Variants in GRM7 observed in about 807,000 individuals in gnomAD.
The protein encoded by GRM7 is glutamate metabotropic receptor 7.
A neutral mutation model predicts 84.5 loss-of-function variants in GRM7; 35 were observed. The observed-to-expected ratio is 0.41, with a 90% CI of 0.32 to 0.55. GRM7 has a LOEUF of 0.55. Among genes scored for constraint, GRM7 ranks in the 20% least tolerant of loss-of-function variants. The probability of loss-of-function intolerance (pLI) is 0.19; values close to 1 mark genes in which losing one functional copy is unlikely to be tolerated. For missense variants in GRM7, 1,003 were observed against 1,194.6 expected, an observed-to-expected ratio of 0.84 and a Z score of 2.36; for synonymous variants, 487 against 455.1, an observed-to-expected ratio of 1.07 and a Z score of -0.89.
At chr3:6,963,831 A>G (rs1693396140) in intron 1 of GRM7, among the ~76,000 whole-genome samples, 1 of 152,200 alleles carries the variant, frequency 6.6e-6, no homozygotes, top group Non-Finnish European at 1.5e-5. Context: ...TCTCAGTATG[A>G]GTGAGAAATA....
chr3:6,997,561 C>T (rs998345171), intron 1 of GRM7, among the ~76,000 whole-genome samples: 1 of 152,126 alleles, frequency 6.6e-6, no homozygotes, highest in African/African-American at 2.4e-5. Context: ...GGTAACTGCC[C>T]CCATGATTCA....
chr3:7,209,832 T>A (rs1696361837), intron 2 of GRM7, among the ~76,000 whole-genome samples: 1 of 152,150 alleles, frequency 6.6e-6, no homozygotes, highest in African/African-American at 2.4e-5. Context: ...CCTTAAAGGG[T>A]AATTTTTAAT....
intron 2 of GRM7, among the ~76,000 whole-genome samples, chr3:7,156,815 A>C (rs1176408150): frequency 6.6e-6 from 1 of 152,050 alleles, no homozygotes; most frequent in East Asian, 1.9e-4. Context: ...TTTTTAATCA[A>C]CGTGAATTTT....
chr3:7,738,975 T>G (rs180970260), intron 9 of GRM7, among the ~76,000 whole-genome samples: 112 of 152,322 alleles, frequency 7.4e-4, no homozygotes, highest in Non-Finnish European at 7.1e-4. Flanking sequence ...AGGCCATGTG[T>G]TCATCAAATG....
chr3:7,628,446 T>G (rs1697719202), intron 8 of GRM7, among the ~76,000 whole-genome samples: 1 of 152,226 alleles, frequency 6.6e-6, no homozygotes, highest in Non-Finnish European at 1.5e-5. Flanking sequence ...CTGCCTTCTC[T>G]CAATTACATA....
chr3:7,226,636 T>C (rs1415075181), intron 2 of GRM7, among the ~76,000 whole-genome samples: 8 of 152,178 alleles, frequency 5.3e-5, no homozygotes, highest in Non-Finnish European at 8.8e-5. Flanking sequence ...ATGGTGGGAC[T>C]TACAGGGCCA....
At chr3:7,709,143 C>T (rs933256499) in intron 9 of GRM7, among the ~76,000 whole-genome samples, 3 of 152,160 alleles carry the variant, frequency 2.0e-5, no homozygotes, top group African/African-American at 7.2e-5. Context: ...AGCAAGCGGT[C>T]CCTAAGTATT....
intron 4 of GRM7, among the ~76,000 whole-genome samples, chr3:7,406,548 C>T (rs1478736915): frequency 6.6e-6 from 1 of 151,976 alleles, no homozygotes; most frequent in Non-Finnish European, 1.5e-5. Flanking sequence ...TAGAATGATA[C>T]AATCAAATCA....
At chr3:6,907,599 A>G (rs919580865) in intron 1 of GRM7, among the ~76,000 whole-genome samples, 2 of 152,232 alleles carry the variant, frequency 1.3e-5, no homozygotes, top group East Asian at 3.9e-4. Context: ...TTTCTAAGTA[A>G]TTACACAATG....
At chr3:7,375,726 T>C (rs771674663) in intron 4 of GRM7, among the ~76,000 whole-genome samples, 3 of 152,132 alleles carry the variant, frequency 2.0e-5, no homozygotes, top group Non-Finnish European at 4.4e-5. Flanking sequence ...CCTGCAAAAC[T>C]ACACCCTTGC....
chr3:7,340,829 A>T (rs536804292), intron 4 of GRM7, among the ~76,000 whole-genome samples: 1 of 152,142 alleles, frequency 6.6e-6, no homozygotes, highest in African/African-American at 2.4e-5. Flanking sequence ...TTCTGTCACA[A>T]AAGCCAGCTT....
chr3:7,159,404 A>G (rs1444360807), intron 2 of GRM7, among the ~76,000 whole-genome samples: 3 of 152,168 alleles, frequency 2.0e-5, no homozygotes, highest in East Asian at 3.9e-4. Flanking sequence ...GGTGAGACTA[A>G]CTTCTTTATT....
chr3:7,718,980 T>G (rs1215968989), intron 9 of GRM7, among the ~76,000 whole-genome samples: 1 of 152,242 alleles, frequency 6.6e-6, no homozygotes, highest in Admixed American at 6.5e-5. Flanking sequence ...GAACCTGGTA[T>G]GATTCATATT....
At chr3:7,098,043 T>C (rs1158085562) in intron 1 of GRM7, among the ~76,000 whole-genome samples, 1 of 152,024 alleles carries the variant, frequency 6.6e-6, no homozygotes, top group Non-Finnish European at 1.5e-5. Context: ...ACATATGGAT[T>C]TTGTGTTTTC....
intron 1 of GRM7, among the ~76,000 whole-genome samples, chr3:7,086,349 C>G (rs1698458465): frequency 6.8e-6 from 1 of 146,274 alleles, no homozygotes; most frequent in African/African-American, 2.6e-5. Flanking sequence ...TAAAAAAGAT[C>G]CTATAGAAAT....
chr3:7,151,661 CA>C lies in GRM7; in HGVS notation c.736+4994del, dbSNP rs1694292029. Among the ~76,000 whole-genome samples, 2 of 152,168 alleles carry C rather than the reference CA, an allele frequency of 1.3e-5. No individual in the cohort carries two copies. The highest frequency in any genetic ancestry group is 2.9e-5 in the Non-Finnish European group (2 of 68,018). ...AAAGCAGTCAATCATTATTTCTTAACAGAAGGAAGAATTGTGTTTTTCCCCT... is the reference window on the plus strand; with the variant it reads ...AAAGCAGTCAATCATTATTTCTTAACGAAGGAAGAATTGTGTTTTTCCCCT... On this transcript the variant is annotated intron_variant, in intron 2 of 9. Transcript: ENST00000357716. The surrounding 1 kb of genome is among the most constrained non-coding windows in gnomAD (Gnocchi z 4.5).
At chr3:7,235,301 T>G (rs527309180) in intron 2 of GRM7, among the ~76,000 whole-genome samples, 2 of 152,338 alleles carry the variant, frequency 1.3e-5, no homozygotes, top group South Asian at 4.1e-4. Flanking sequence ...ATTTTTCAGC[T>G]CTTGGTATGT....
At chr3:7,623,619 A>C (rs1298948000) in intron 8 of GRM7, among the ~76,000 whole-genome samples, 1 of 152,102 alleles carries the variant, frequency 6.6e-6, no homozygotes, top group Non-Finnish European at 1.5e-5. Flanking sequence ...GGCTGACTGC[A>C]GATCAGGCCA....
At chr3:7,478,400 A>G (rs1323407484) in intron 7 of GRM7, among the ~76,000 whole-genome samples, 1 of 152,194 alleles carries the variant, frequency 6.6e-6, no homozygotes, top group Admixed American at 6.5e-5. Context: ...TGGCCCACGT[A>G]TCAAGTAGAC....
Sources: gnomAD v4.1 joint callset for allele counts (sites outside exome capture counted in the v4.1 genomes callset) on GRCh38, gnomAD v4.1.1 for gene constraint, Gnocchi (gnomAD v3.1) non-coding constraint, MANE v1.5 for transcripts, NCBI Gene and HGNC (gene_info 2026-07-23, HGNC 2026-07-21) for gene names.